Variants in VAV3 observed in about 807,000 individuals in gnomAD.
VAV3 encodes the protein vav guanine nucleotide exchange factor 3, also known as guanine nucleotide exchange factor VAV3.
In VAV3, 94 loss-of-function variants were observed where a neutral mutation model predicts 131.2. The ratio of observed to expected loss-of-function variants is 0.72; its 90% CI spans 0.61 to 0.85. The LOEUF is 0.85. Ranked by LOEUF, VAV3 falls within the 40% of genes least tolerant of loss-of-function variation. VAV3 has a pLI of 0.00. For missense variants in VAV3, 939 were observed against 1,002.7 expected (o/e 0.94, Z 0.86); for synonymous variants, 349 against 342.0 (o/e 1.02, Z -0.22).
At chr1:107,929,205 G>A (rs569447978) in intron 1 of VAV3, among the ~76,000 whole-genome samples, 8 of 148,478 alleles carry the variant, frequency 5.4e-5, no homozygotes, top group East Asian at 2.0e-4. Flanking sequence ...GGAGAATGGC[G>A]TGAACCCAGG....
intron 15 of VAV3, among the ~76,000 whole-genome samples, chr1:107,719,255 T>C (rs1661333248): frequency 6.6e-6 from 1 of 152,148 alleles, no homozygotes; most frequent in Non-Finnish European, 1.5e-5. Context: ...GAAACTGCCA[T>C]CAGAGTGAAC....
intron 2 of VAV3, among the ~76,000 whole-genome samples, chr1:107,828,590 C>T (rs975487162): frequency 1.3e-5 from 2 of 152,092 alleles, no homozygotes; most frequent in African/African-American, 4.8e-5. Context: ...GCCTGTTCCA[C>T]CTTCCAGAGA....
intron 19 of VAV3, among the ~76,000 whole-genome samples, chr1:107,648,313 T>A (rs987737062): frequency 2.0e-5 from 3 of 152,036 alleles, no homozygotes; most frequent in African/African-American, 7.2e-5. Flanking sequence ...GAATCATGAA[T>A]CAAGGATGAA....
intron 22 of VAV3, among the ~76,000 whole-genome samples, chr1:107,605,876 AT>A (rs1482583325): frequency 6.6e-6 from 1 of 152,234 alleles, no homozygotes; most frequent in East Asian, 1.9e-4. Flanking sequence ...GGTCCCAAGC[AT>A]TTTGAATAAG....
At chr1:107,706,454 G>T (rs1278742423) in intron 15 of VAV3, among the ~76,000 whole-genome samples, 1 of 152,084 alleles carries the variant, frequency 6.6e-6, no homozygotes, top group Non-Finnish European at 1.5e-5. Context: ...GTGCCATCTG[G>T]GATTTCTCTG....
At chr1:107,639,936 T>TAAAAAAA in intron 20 of VAV3, among the ~76,000 whole-genome samples, 1 of 139,116 alleles carries the variant, frequency 7.2e-6, no homozygotes, top group African/African-American at 2.7e-5. Flanking sequence ...ACCCTGTATT[T>TAAAAAAA]AAAAAAAAAA....
At chr1:107,628,166 CAT>C (rs1443884460) in intron 20 of VAV3, among the ~76,000 whole-genome samples, 2 of 152,062 alleles carry the variant, frequency 1.3e-5, no homozygotes, top group South Asian at 2.1e-4. Flanking sequence ...AAGAGGGTAA[CAT>C]ATACATCAAT....
At chr1:107,709,211 G>A (rs1298219685) in intron 15 of VAV3, among the ~76,000 whole-genome samples, 1 of 152,072 alleles carries the variant, frequency 6.6e-6, no homozygotes, top group Admixed American at 6.6e-5. Flanking sequence ...CCTCCCCACT[G>A]ACCTGTGTGG....
At chr1:107,739,281 G>A (rs980521190) in intron 15 of VAV3, among the ~76,000 whole-genome samples, 4 of 152,204 alleles carry the variant, frequency 2.6e-5, no homozygotes, top group African/African-American at 7.2e-5. Flanking sequence ...TGTCATGCAT[G>A]AAATACTTTC....
chr1:107,957,910 C>T (rs559204020), intron 1 of VAV3, among the ~76,000 whole-genome samples: 1 of 151,512 alleles, frequency 6.6e-6, no homozygotes, highest in Non-Finnish European at 1.5e-5. Flanking sequence ...GATCTCATTT[C>T]CTCACTCTGG....
intron 20 of VAV3, among the ~76,000 whole-genome samples, chr1:107,638,590 T>C (rs536231394): frequency 6.6e-6 from 1 of 152,302 alleles, no homozygotes; most frequent in South Asian, 2.1e-4. Flanking sequence ...CTTGTTAGGA[T>C]GTCAATTTTC....
chr1:107,947,046 C>T (rs1054432978), intron 1 of VAV3, among the ~76,000 whole-genome samples: 11 of 152,170 alleles, frequency 7.2e-5, no homozygotes, highest in African/African-American at 1.9e-4. Context: ...CCTAGATCAT[C>T]CAGCTAATTA....
At chr1:107,857,441 T>C (rs13374240) in intron 2 of VAV3, among the ~76,000 whole-genome samples, 80 of 152,320 alleles carry the variant, frequency 5.3e-4, no homozygotes, top group African/African-American at 1.8e-3. Flanking sequence ...TCTATTCTTA[T>C]TAAAAATCCT....
intron 21 of VAV3, among the ~76,000 whole-genome samples, chr1:107,610,565 T>A (rs1652650074): frequency 6.6e-6 from 1 of 152,112 alleles, no homozygotes; most frequent in Non-Finnish European, 1.5e-5. Context: ...AATTCTGATT[T>A]AAAAATCTAC....
chr1:107,779,862 C>T (rs993729428), intron 2 of VAV3, among the ~76,000 whole-genome samples: 4 of 152,174 alleles, frequency 2.6e-5, no homozygotes, highest in South Asian at 4.1e-4. Context: ...CCACTAGCCA[C>T]ATGAGGCTAT....
intron 2 of VAV3, among the ~76,000 whole-genome samples, chr1:107,848,061 G>A (rs987013267): frequency 6.6e-6 from 1 of 151,944 alleles, no homozygotes; most frequent in South Asian, 2.1e-4. Context: ...CGTCTGTAAT[G>A]CCAGCACTTT....
chr1:107,695,703 T>C (rs6677871), intron 17 of VAV3, among the ~76,000 whole-genome samples: 19,583 of 152,116 alleles, frequency 0.13, 1,456 homozygotes, highest in South Asian at 0.26. Flanking sequence ...GGGGTGTGGG[T>C]TGTAGCTAAA....
intron 15 of VAV3, among the ~76,000 whole-genome samples, chr1:107,721,142 T>C (rs1661471191): frequency 6.6e-6 from 1 of 152,148 alleles, no homozygotes; most frequent in African/African-American, 2.4e-5. Flanking sequence ...AGACTAAATT[T>C]AGGCATAAGA....
intron 15 of VAV3, among the ~76,000 whole-genome samples, chr1:107,728,652 T>TATGTATATGTATATGTATATGTATA (rs1662026314): frequency 2.0e-5 from 3 of 149,962 alleles, no homozygotes; most frequent in East Asian, 2.0e-4. Flanking sequence ...TGTATATGTA[T>TATGTATATGTATATGTATATGTATA]TGTGTAAAAC....
Sources: allele counts gnomAD v4.1 joint callset (sites outside exome capture counted in the v4.1 genomes callset), GRCh38; gene constraint gnomAD v4.1.1; transcripts MANE v1.5; gene names NCBI Gene and HGNC (gene_info 2026-07-23, HGNC 2026-07-21).